The following SLC27A1 variants were observed in gnomAD, a reference collection of about 807,000 sequenced individuals.
SLC27A1 encodes long-chain fatty acid transport protein 1.
Under a neutral mutation model 62.2 loss-of-function variants are expected in SLC27A1, and 61 were observed. That is an observed-to-expected ratio of 0.98 (90% CI 0.80 to 1.21). SLC27A1 has a LOEUF of 1.21. SLC27A1 is among the 50% of genes most tolerant of loss of function. SLC27A1 has a pLI of 0.00. For synonymous variants in SLC27A1, 435 were observed against 408.6 expected (o/e 1.06, Z -0.78); for missense variants, 903 against 932.1 (o/e 0.97, Z 0.41).
chr19:17,502,652 C>T (rs2075430085), intron 11 of SLC27A1, among the ~76,000 whole-genome samples: 1 of 151,880 alleles, frequency 6.6e-6, no homozygotes, highest in Non-Finnish European at 1.5e-5. Flanking sequence ...CTGCACCCGG[C>T]CTCGGTGTAT....
chr19:17,476,318 C>T (rs535703750), intron 1 of SLC27A1, among the ~76,000 whole-genome samples: 1 of 152,188 alleles, frequency 6.6e-6, no homozygotes, highest in African/African-American at 2.4e-5. Flanking sequence ...GGCTGATCAC[C>T]TGAGGTCAGG....
chr19:17,470,509 C>G, upstream of SLC27A1: 1 of 1,506,082 alleles, frequency 6.6e-7, no homozygotes, highest in Non-Finnish European at 8.8e-7. Flanking sequence ...GCTGGAGCGG[C>G]CCGCGGCCTC....
At chr19:17,499,887 GTGGCTCAAAC>G in intron 7 of SLC27A1, 1 of 198,744 alleles carries the variant, frequency 5.0e-6, no homozygotes. Context: ...ACAGGGTGTA[GTGGCTCAAAC>G]ATGTTGGAGA....
intron 6 of SLC27A1, chr19:17,491,123 C>T (rs1286175162): frequency 2.0e-5 from 3 of 151,742 alleles, no homozygotes; most frequent in Admixed American, 6.6e-5. Flanking sequence ...ATCGCTTGAA[C>T]CTGGGAAGCG....
rs540790346 is a variant in SLC27A1 at position 17,494,880 on chromosome 19, C to G, written c.997-2375C>G. Reference sequence around the variant, plus strand: ...GGTTGGGGGCTGCCAGAGATTTGCGCCCTATGCGGATGGCACATCTGGTCC... The same window carrying G: ...GGTTGGGGGCTGCCAGAGATTTGCGGCCTATGCGGATGGCACATCTGGTCC... On this transcript the variant is annotated intron_variant, in intron 6 of 11. Coordinates refer to ENST00000252595, the MANE Select transcript of SLC27A1 (RefSeq NM_198580.3). Among the ~76,000 whole-genome samples the G allele has an allele frequency of 2.3e-4, 35 of 151,990 alleles. No individual in the cohort carries two copies. The South Asian group carries it at 7.3e-3, about 32-fold the overall frequency.
chr19:17,474,447 C>T (rs2075103320), intron 1 of SLC27A1, among the ~76,000 whole-genome samples: 1 of 152,114 alleles, frequency 6.6e-6, no homozygotes, highest in Admixed American at 6.6e-5. Flanking sequence ...TCCCTCCTCT[C>T]CAGCTCTGCT....
intron 1 of SLC27A1, among the ~76,000 whole-genome samples, chr19:17,484,937 G>A (rs1053366208): frequency 2.3e-4 from 35 of 152,126 alleles, no homozygotes; most frequent in Admixed American, 1.1e-3. Flanking sequence ...AACAGGGGCA[G>A]GTGGGTGGAG....
At position 17,488,886 on chromosome 19, in the gene SLC27A1, G is replaced by T; in HGVS notation, c.833G>T (p.Arg278Leu). The change falls in exon 5 of 12, where the codon CGC becomes CTC. Residue 278 changes from arginine (R) to leucine (L), a missense_variant. Physicochemically the swap from Arg to Leu is moderately radical, Grantham distance 102 (BLOSUM62 -2). Transcript: ENST00000252595. ...RMAAFGHHAY[R>L]MQAADVLYDC... is the part of the protein sequence containing the mutation. The stretch of plus-strand genomic sequence containing the variant: ...GCAGCCTTCGGCCACCACGCCTACC[G>T]CATGCAGGCGGCTGACGTGCTCTAT... 1 of 1,614,006 alleles carries T rather than the reference G, an allele frequency of 6.2e-7. No individual in the cohort carries two copies. Among genetic ancestry groups the T allele is most frequent in the Non-Finnish European group, 8.5e-7 (1 of 1,179,998 alleles).
intron 1 of SLC27A1, among the ~76,000 whole-genome samples, chr19:17,474,625 T>TTA (rs2075104829): frequency 6.7e-6 from 1 of 148,356 alleles, no homozygotes; most frequent in Non-Finnish European, 1.5e-5. Context: ...AGTGACCCCT[T>TTA]TCTTTTTTTT....
At chr19:17,472,256 G>T (rs895466704) in intron 1 of SLC27A1, among the ~76,000 whole-genome samples, 1 of 151,966 alleles carries the variant, frequency 6.6e-6, no homozygotes, top group African/African-American at 2.4e-5. Flanking sequence ...TTAGCCAGGC[G>T]TGGTGGTGGA....
intron 1 of SLC27A1, among the ~76,000 whole-genome samples, chr19:17,481,313 C>CTT (rs1041522913): frequency 1.1e-3 from 143 of 127,274 alleles, no homozygotes; most frequent in Middle Eastern, 4.2e-3. Context: ...GGTTTAGTTC[C>CTT]TTTTTTTTTT....
At position 17,486,664 on chromosome 19, in the gene SLC27A1, C is replaced by T; in HGVS notation, c.269C>T (p.Pro90Leu). 1 of 1,609,074 alleles carries T rather than the reference C, an allele frequency of 6.2e-7. No homozygotes were observed. The highest frequency in any genetic ancestry group is 1.1e-5 in the South Asian group (1 of 90,962). Reference protein sequence around the residue: ...RIFQAVVQRQPERLALVDAGT... With the variant: ...RIFQAVVQRQLERLALVDAGT... ...TTTCAGGCGGTAGTGCAGCGACAGC[C>T]CGAGCGCCTGGCGCTGGTGGATGCC... Residue 90 changes from proline to leucine, a missense_variant, in exon 2 of 12, where the codon CCC becomes CTC. Physicochemically the swap from Pro to Leu is moderately conservative, Grantham distance 98. Transcript: ENST00000252595. This position sits in a 1 kb window ranked among gnomAD's most constrained non-coding sequence, Gnocchi z 6.6.
chr19:17,476,474 G>T, intron 1 of SLC27A1, among the ~76,000 whole-genome samples: 1 of 150,956 alleles, frequency 6.6e-6, no homozygotes. Context: ...GGAGGCAGAG[G>T]TTGCAGTGAG....
intron 10 of SLC27A1, 159 bp downstream of exon 10, chr19:17,501,035 G>C: frequency 9.3e-7 from 1 of 1,077,128 alleles, no homozygotes; most frequent in East Asian, 2.6e-5. Flanking sequence ...GTTCACCTGG[G>C]TGATGTTGAG....
At chr19:17,497,041 C>A in intron 6 of SLC27A1, 1 of 491,540 alleles carries the variant, frequency 2.0e-6, no homozygotes. Flanking sequence ...ACAAAAAAAG[C>A]TGCATCCTAG....
chr19:17,478,099 G>T (rs2075142234), intron 1 of SLC27A1, among the ~76,000 whole-genome samples: 1 of 152,052 alleles, frequency 6.6e-6, no homozygotes, highest in South Asian at 2.1e-4. Context: ...TTCTCCATGA[G>T]GCACATCACA....
intron 11 of SLC27A1, among the ~76,000 whole-genome samples, 153 bp downstream of exon 11, chr19:17,501,572 G>A (rs2075413361): frequency 6.6e-6 from 1 of 152,092 alleles, no homozygotes; most frequent in Non-Finnish European, 1.5e-5. Context: ...GGGAGGCCGA[G>A]GCGGGCGGAT....
Position 17,497,334 on chromosome 19 carries a change from G to A in SLC27A1, c.1076G>A (p.Arg359His), listed in dbSNP as rs139629386. The change falls in exon 7 of 12, where the codon CGC (arginine) becomes CAC (histidine). Residue 359 changes from arginine to histidine, a missense_variant. Coordinates refer to ENST00000252595, the MANE Select transcript of SLC27A1 (RefSeq NM_198580.3). The stretch of plus-strand genomic sequence containing the variant: ...GAGGCGGAGAGGCGACACCGCGTGC[G>A]CCTGGCGGTGGGGAACGGGCTGCGT... ...VREAERRHRV[R>H]LAVGNGLRPA... 5.8e-5 allele frequency: 93 copies of A among 1,603,560 alleles called. No homozygotes were observed. The highest frequency in any genetic ancestry group is 1.7e-4 in the Middle Eastern group (1 of 6,032).
rs773482808 is a variant in SLC27A1, at chr19:17,493,628, CT to C, written c.997-3613del. Among the ~76,000 whole-genome samples, 1,083 of 143,502 alleles carry C rather than the reference CT, an allele frequency of 7.5e-3. 9 individuals carry two copies. Among genetic ancestry groups the C allele is most frequent in the Middle Eastern group, 0.032 (9 of 280 alleles). 94.1% of individuals were successfully genotyped at this position (143,502 alleles called of 152,430 possible). ...CAGCAGGCTATAATCTAGAACCTTA[CT>C]TTTTTTTTTTTTTGAGACACAGTCT... On this transcript the variant is annotated intron_variant, in intron 6 of 11. Coordinates refer to ENST00000252595, the MANE Select transcript of SLC27A1 (RefSeq NM_198580.3).
Sources: allele counts gnomAD v4.1 joint callset (sites outside exome capture counted in the v4.1 genomes callset), GRCh38; gene constraint gnomAD v4.1.1; non-coding constraint Gnocchi (gnomAD v3.1); transcripts MANE v1.5; gene names NCBI Gene and HGNC (gene_info 2026-07-23, HGNC 2026-07-21).